The following CMTM4 variants were observed in gnomAD, a reference collection of about 807,000 sequenced individuals.
CMTM4 encodes the protein CKLF like MARVEL transmembrane domain containing 4.
Under a neutral mutation model 19.0 loss-of-function variants are expected in CMTM4, and 8 were observed. That is an observed-to-expected ratio of 0.42 (90% confidence interval 0.25 to 0.76). The LOEUF is 0.76. Among genes scored for constraint, CMTM4 ranks in the 30% least tolerant of loss-of-function variants. The pLI, the probability that CMTM4 is intolerant of heterozygous loss-of-function variation, is 0.27. For missense variants in CMTM4, 228 were observed against 290.2 expected (o/e 0.79, Z 1.56); for synonymous variants, 106 against 121.1 (o/e 0.88, Z 0.82).
Position 66,621,180 on chromosome 16 carries a change from A to T in CMTM4, c.*878T>A. Reference sequence around the variant, plus strand: ...TGCATGTGTGCGCGCACGCGTGTGCATGCTGTTTTTTAACACAAACACCTC... The same window carrying T: ...TGCATGTGTGCGCGCACGCGTGTGCTTGCTGTTTTTTAACACAAACACCTC... On this transcript the variant is annotated 3_prime_UTR_variant, in exon 4 of 4. Transcript: ENST00000394106. 2 of 985,562 alleles carry T rather than the reference A, an allele frequency of 2.0e-6. No homozygotes were observed. The highest frequency in any genetic ancestry group is 2.4e-6 in the Non-Finnish European group (2 of 829,932). 61.1% of individuals were successfully genotyped at this position (985,562 alleles called of 1,614,324 possible).
chr16:66,602,817 A>C, the CMTM4 span, among the ~76,000 whole-genome samples: 1 of 151,964 alleles, frequency 6.6e-6, no homozygotes, highest in Non-Finnish European at 1.5e-5. Context: ...AAAATGCTGG[A>C]ATTATAGGCA....
In CMTM4 at chr16:66,631,215, G is replaced by A. The variant is rs550722094; in HGVS notation, c.363+5190C>T. Among the ~76,000 whole-genome samples the A allele has an allele frequency of 3.3e-5, 5 of 149,666 alleles. No homozygotes were observed. In the South Asian group the frequency reaches 1.1e-3, roughly 32 times the overall value. On this transcript the variant is annotated intron_variant, in intron 2 of 3. Transcript: ENST00000394106. ...GCCGCCCTGTCCGGGAGGGAGGTGG[G>A]GGGTCAGCCCCCCGCCCGGCCAGCC...
In CMTM4 at chr16:66,623,479, G is replaced by A. The variant is rs534791962; in HGVS notation, c.387C>T (p.Ser129=). The change falls in exon 3 of 4, where the codon AGC becomes AGT. Residue 129 remains serine, a synonymous_variant. Transcript: ENST00000394106. ...NLTDLVNTGL[S]AFLFFIASIV... ...TTGAAGCAATAAAGAAAAGGAAAGC[G>A]CTGAGTCCAGTGTTGACCAAATCCT... The A allele has an allele frequency of 1.1e-5, 17 of 1,613,474 alleles. No homozygotes were observed. The highest frequency in any genetic ancestry group is 3.3e-5 in the Admixed American group (2 of 59,982).
At chr16:66,663,905 G>A (rs2016545821) in intron 1 of CMTM4, among the ~76,000 whole-genome samples, 1 of 152,110 alleles carries the variant, frequency 6.6e-6, no homozygotes, top group Non-Finnish European at 1.5e-5. Context: ...TGTTTAAAGA[G>A]TACGCATCCC....
At chr16:66,604,900 CGGCGCG>C in the CMTM4 span, 1 of 1,455,156 alleles carries the variant, frequency 6.9e-7, no homozygotes, top group Non-Finnish European at 9.0e-7. Flanking sequence ...GCCCTGCTGC[CGGCGCG>C]GGCTTTCCTC....
chr16:66,607,329 G>A, the CMTM4 span, among the ~76,000 whole-genome samples: 1 of 152,236 alleles, frequency 6.6e-6, no homozygotes, highest in Non-Finnish European at 1.5e-5. Context: ...TTCAAGTACA[G>A]CTGGCCCCAC....
intron 1 of CMTM4, among the ~76,000 whole-genome samples, chr16:66,673,462 C>A (rs1185424495): frequency 6.6e-6 from 1 of 152,082 alleles, no homozygotes; most frequent in Non-Finnish European, 1.5e-5. Flanking sequence ...CCCACCTCAG[C>A]CTCCCAAAGT....
In CMTM4 at chr16:66,696,329, C is replaced by A; in HGVS notation, c.186+11G>T. On this transcript the variant is annotated intron_variant, in intron 1 of 3. Coordinates refer to ENST00000394106, the MANE Select transcript of CMTM4 (RefSeq NM_181521.3). The surrounding 1 kb of genome is among the most constrained non-coding windows in gnomAD (Gnocchi z 4.3). The stretch of plus-strand genomic sequence containing the variant: ...CGCCCTCGGGCACCTGGGGCCCCGC[C>A]CGGCACCTACCACTTGGGCGACCTT... 2.9e-6 allele frequency: 4 copies of A among 1,379,812 alleles called. No homozygotes were observed. In the South Asian group the frequency reaches 4.6e-5, roughly 16 times the overall value. 85.5% of individuals were successfully genotyped at this position (1,379,812 alleles called of 1,614,324 possible).
At chr16:66,683,053 T>C (rs1253756291) in intron 1 of CMTM4, among the ~76,000 whole-genome samples, 2 of 149,526 alleles carry the variant, frequency 1.3e-5, no homozygotes, top group Non-Finnish European at 3.0e-5. Flanking sequence ...GTAATTACGA[T>C]GGCATTTTAT....
the CMTM4 span, among the ~76,000 whole-genome samples, chr16:66,607,214 G>C: frequency 6.6e-6 from 1 of 152,206 alleles, no homozygotes; most frequent in South Asian, 2.1e-4. Context: ...GCTCTGCAGC[G>C]TACCTGGGCT....
chr16:66,609,636 C>G, the CMTM4 span: 1 of 1,512,984 alleles, frequency 6.6e-7, no homozygotes, highest in Non-Finnish European at 8.9e-7. The surrounding 1 kb of genome is among the most constrained non-coding windows in gnomAD (Gnocchi z 4.4). Flanking sequence ...CCCCTGGGGT[C>G]TCATGTGGGT....
At chr16:66,601,266 G>T in the CMTM4 span, among the ~76,000 whole-genome samples, 3 of 152,216 alleles carry the variant, frequency 2.0e-5, no homozygotes, top group African/African-American at 7.2e-5. Context: ...GAGGTACACA[G>T]ACAAGTGGAG....
chr16:66,686,120 G>A lies in CMTM4; in HGVS notation c.186+10220C>T. On this transcript the variant is annotated intron_variant, in intron 1 of 3. Transcript: ENST00000394106. Reference sequence around the variant, plus strand: ...ATACAAAAGTTAGCTGGGCGTGGTGGCACGCGCCTGTAGTCCCAGCTACTC... The same window carrying A: ...ATACAAAAGTTAGCTGGGCGTGGTGACACGCGCCTGTAGTCCCAGCTACTC... Among the ~76,000 whole-genome samples the A allele has an allele frequency of 2.0e-5, 3 of 152,130 alleles. 1 individual carries two copies. Among genetic ancestry groups the A allele is most frequent in the Admixed American group, 2.0e-4 (3 of 15,276 alleles).
the CMTM4 span, among the ~76,000 whole-genome samples, chr16:66,598,437 T>C: frequency 6.6e-6 from 1 of 152,144 alleles, no homozygotes; most frequent in Admixed American, 6.6e-5. Context: ...TTTTGCAAAT[T>C]GAGATATAAA....
At chr16:66,601,244 T>C in the CMTM4 span, among the ~76,000 whole-genome samples, 1 of 152,128 alleles carries the variant, frequency 6.6e-6, no homozygotes. Flanking sequence ...TTGTCTTGCA[T>C]CCAGGAAGAA....
At chr16:66,668,106 G>T (rs2016635945) in intron 1 of CMTM4, among the ~76,000 whole-genome samples, 1 of 151,764 alleles carries the variant, frequency 6.6e-6, no homozygotes, top group East Asian at 1.9e-4. Flanking sequence ...CAGCTCAAGG[G>T]TCCTCCCACC....
chr16:66,681,216 CCT>C (rs2016908871), intron 1 of CMTM4, among the ~76,000 whole-genome samples: 1 of 151,908 alleles, frequency 6.6e-6, no homozygotes, highest in Non-Finnish European at 1.5e-5. Context: ...ACAGTGAGAC[CCT>C]GTCTCTATAA....
chr16:66,604,269 TG>T, the CMTM4 span: 1 of 145,132 alleles, frequency 6.9e-6, no homozygotes, highest in Middle Eastern at 3.4e-3. Context: ...TGGAGGAGGG[TG>T]GGGCTGGCCG....
chr16:66,695,190 T>A (rs1182573836), intron 1 of CMTM4, among the ~76,000 whole-genome samples: 1 of 151,902 alleles, frequency 6.6e-6, no homozygotes, highest in Non-Finnish European at 1.5e-5. Flanking sequence ...CTACTAAAAA[T>A]ACAAAAATTA....
Sources: gnomAD v4.1 joint callset for allele counts (sites outside exome capture counted in the v4.1 genomes callset) on GRCh38, gnomAD v4.1.1 for gene constraint, Gnocchi (gnomAD v3.1) non-coding constraint, MANE v1.5 for transcripts, NCBI Gene and HGNC (gene_info 2026-07-23, HGNC 2026-07-21) for gene names.